TRPM3: variants seen among roughly 807,000 people sequenced by gnomAD.
TRPM3 encodes the protein transient receptor potential cation channel subfamily M member 3.
Under a neutral mutation model 181.2 loss-of-function variants are expected in TRPM3, and 77 were observed. The ratio of observed to expected loss-of-function variants is 0.42; its 90% confidence interval spans 0.35 to 0.51. TRPM3 has a LOEUF of 0.51. Among genes scored for constraint, TRPM3 ranks in the 20% least tolerant of loss-of-function variants. The probability of loss-of-function intolerance (pLI) is 0.01; values close to 1 mark genes in which losing one functional copy is unlikely to be tolerated. For synonymous variants in TRPM3, 745 were observed against 796.4 expected, an observed-to-expected ratio of 0.94 and a Z score of 1.09; for missense variants, 1,759 against 2,196.7, an observed-to-expected ratio of 0.80 and a Z score of 3.98.
chr9:71,388,878 G>A (rs181933615), intron 1 of TRPM3, among the ~76,000 whole-genome samples: 403 of 152,186 alleles, frequency 2.6e-3, no homozygotes, highest in Non-Finnish European at 5.1e-3. Context: ...TGAGGTATCT[G>A]GGAACTTAAA....
At chr9:70,844,016 A>G (rs1483227936) in intron 4 of TRPM3, among the ~76,000 whole-genome samples, 1 of 152,182 alleles carries the variant, frequency 6.6e-6, no homozygotes, top group Non-Finnish European at 1.5e-5. Flanking sequence ...CAGTTTGTCA[A>G]TTTTGAATAG....
intron 1 of TRPM3, among the ~76,000 whole-genome samples, chr9:71,373,718 T>C (rs1300501540): frequency 6.6e-6 from 1 of 152,132 alleles, no homozygotes. Flanking sequence ...GCTGGTACCA[T>C]TTCTACTGAA....
At position 70,616,030 on chromosome 9, in the gene TRPM3, A is replaced by G. The variant is rs1366561182; in HGVS notation, c.2404T>C (p.Phe802Leu). ...LLPPSILSLE[F>L]KNKDDMPYMS... ...TAGGGCATGTCGTCTTTGTTCTTGA[A>G]CTCCAAGCTGAGAATTGAAGGAGGA... is the stretch of plus-strand genomic sequence containing the variant. Residue 802 changes from phenylalanine to leucine, a missense_variant, in exon 18 of 26, where the codon TTC (phenylalanine) becomes CTC (leucine). Around this residue, in one of 8 missense-constraint regions of TRPM3, gnomAD observed 114 missense variants for 134.8 expected, o/e 0.85. Transcript: ENST00000677713. 6.2e-7 allele frequency: 1 copy of G among 1,609,492 alleles called. No homozygotes were observed. The highest frequency in any genetic ancestry group is 8.5e-7 in the Non-Finnish European group (1 of 1,178,176).
intron 1 of TRPM3, among the ~76,000 whole-genome samples, chr9:71,097,036 G>A (rs1436698315): frequency 2.6e-5 from 4 of 152,070 alleles, no homozygotes; most frequent in African/African-American, 7.2e-5. Context: ...TTTGGCCAGC[G>A]CCCAGGCAAC....
intron 1 of TRPM3, among the ~76,000 whole-genome samples, chr9:70,902,044 G>T (rs910459416): frequency 6.6e-6 from 1 of 152,200 alleles, no homozygotes; most frequent in African/African-American, 2.4e-5. Context: ...GTAGTTGGGG[G>T]TGGGGTCACA....
At chr9:70,962,589 T>G (rs1223857016) in intron 1 of TRPM3, among the ~76,000 whole-genome samples, 2 of 152,180 alleles carry the variant, frequency 1.3e-5, no homozygotes, top group African/African-American at 4.8e-5. Context: ...AGACTCCCAG[T>G]GGATGCCTGA....
At position 71,195,465 on chromosome 9, in the gene TRPM3, T is replaced by TC. The variant is rs566107675; in HGVS notation, c.183+251187_183+251188insG. On this transcript the variant is annotated intron_variant, in intron 1 of 24. Coordinates refer to the TRPM3 transcript ENST00000357533. ...TATTAAAATGTCAAAAAATAACAGG[T>TC]GCCAGTGAGGTTAAGGAAAGGAAAC... is the stretch of plus-strand genomic sequence containing the variant. Among the ~76,000 whole-genome samples, 277 of 152,088 alleles carry TC rather than the reference T, an allele frequency of 1.8e-3. 1 individual carries two copies. Among genetic ancestry groups the TC allele is most frequent in the African/African-American group, 4.9e-3 (204 of 41,538 alleles).
chr9:71,445,927 A>C (rs2131702639), intron 1 of TRPM3, among the ~76,000 whole-genome samples: 1 of 152,310 alleles, frequency 6.6e-6, no homozygotes, highest in East Asian at 1.9e-4. Flanking sequence ...ATAAAGGAAA[A>C]CATAATATTC....
chr9:70,991,279 A>C (rs1477253844), intron 1 of TRPM3, among the ~76,000 whole-genome samples: 3 of 152,192 alleles, frequency 2.0e-5, no homozygotes, highest in Non-Finnish European at 4.4e-5. Flanking sequence ...ATATGTTATG[A>C]ATTGAGACAA....
chr9:70,535,604 T>C lies in TRPM3; in HGVS notation c.*349A>G. On this transcript the variant is annotated 3_prime_UTR_variant, in exon 26 of 26. Transcript: ENST00000677713. ...TAATGGTCAGAAATCAACAGATGCCTCCTGGCATGGAGCGTGCTCGAAGCC... is the reference window on the plus strand; with the variant it reads ...TAATGGTCAGAAATCAACAGATGCCCCCTGGCATGGAGCGTGCTCGAAGCC... 4 of 1,491,212 alleles carry C rather than the reference T, an allele frequency of 2.7e-6. No homozygotes were observed. In the South Asian group the frequency reaches 5.4e-5, roughly 20 times the overall value. 92.4% of individuals were successfully genotyped at this position (1,491,212 alleles called of 1,614,324 possible). A position where few individuals can be genotyped will look rare whatever the true frequency, so the allele number is the denominator to read the frequency against.
intron 6 of TRPM3, among the ~76,000 whole-genome samples, chr9:70,811,868 A>T (rs1030282202): frequency 6.6e-6 from 1 of 152,186 alleles, no homozygotes; most frequent in Non-Finnish European, 1.5e-5. Flanking sequence ...TAATATTATT[A>T]ATTGGACTGA....
chr9:70,572,009 T>C (rs2052546349), intron 22 of TRPM3, among the ~76,000 whole-genome samples: 1 of 152,124 alleles, frequency 6.6e-6, no homozygotes, highest in African/African-American at 2.4e-5. Flanking sequence ...AAGGACACAG[T>C]GCTTTACATT....
intron 1 of TRPM3, among the ~76,000 whole-genome samples, chr9:70,897,647 A>T (rs1351126962): frequency 2.6e-5 from 4 of 152,186 alleles, no homozygotes; most frequent in Admixed American, 6.5e-5. Context: ...AGTCTATAGT[A>T]ACTCTCTCCA....
intron 1 of TRPM3, among the ~76,000 whole-genome samples, chr9:71,193,247 C>T (rs1307103226): frequency 6.6e-6 from 1 of 151,746 alleles, no homozygotes; most frequent in African/African-American, 2.4e-5. Context: ...CCTTTCACTC[C>T]CTGCTCTGCT....
intron 1 of TRPM3, among the ~76,000 whole-genome samples, chr9:70,930,798 T>C (rs891025154): frequency 1.3e-5 from 2 of 152,118 alleles, no homozygotes; most frequent in Non-Finnish European, 2.9e-5. Context: ...TTATTTTAAA[T>C]GTCCATTGAA....
chr9:71,285,356 A>G (rs953370432), intron 1 of TRPM3, among the ~76,000 whole-genome samples: 1 of 152,230 alleles, frequency 6.6e-6, no homozygotes, highest in Non-Finnish European at 1.5e-5. Context: ...CTATGTAAAG[A>G]GATGGCCTTT....
chr9:70,908,306 A>C (rs2096494778), intron 1 of TRPM3, among the ~76,000 whole-genome samples: 1 of 152,244 alleles, frequency 6.6e-6, no homozygotes, highest in African/African-American at 2.4e-5. Flanking sequence ...AGAATCAACT[A>C]TTCAATTAAA....
intron 22 of TRPM3, among the ~76,000 whole-genome samples, chr9:70,590,367 C>T (rs1359408199): frequency 1.3e-5 from 2 of 152,190 alleles, no homozygotes; most frequent in Non-Finnish European, 2.9e-5. Flanking sequence ...CTGGCATTCA[C>T]TCCCCACACT....
chr9:70,873,800 G>C (rs1302431115), intron 1 of TRPM3, among the ~76,000 whole-genome samples: 2 of 151,912 alleles, frequency 1.3e-5, no homozygotes, highest in Non-Finnish European at 2.9e-5. Context: ...TCTGTTGCCA[G>C]TTTCCACTGC....
Sources: allele counts gnomAD v4.1 joint callset (sites outside exome capture counted in the v4.1 genomes callset), GRCh38; gene constraint gnomAD v4.1.1; regional missense constraint gnomAD v4.1.1; transcripts MANE v1.5; gene names NCBI Gene and HGNC (gene_info 2026-07-23, HGNC 2026-07-21).